KCNQ5: variants seen among roughly 807,000 people sequenced by gnomAD.
KCNQ5 encodes potassium voltage-gated channel subfamily KQT member 5.
KCNQ5 carries 30 observed loss-of-function variants against 98.2 expected under a neutral mutation model. The observed-to-expected ratio is 0.31, with a 90% CI of 0.23 to 0.41. The LOEUF (loss-of-function observed/expected upper bound fraction) is 0.41, where lower values mean the gene tolerates loss of function less well. Among genes scored for constraint, KCNQ5 ranks in the 10% least tolerant of loss-of-function variants. KCNQ5 has a pLI of 1.00. For missense variants in KCNQ5, 835 were observed against 1,182.5 expected (o/e 0.71, Z 4.31); for synonymous variants, 458 against 449.4 (o/e 1.02, Z -0.24).
chr6:72,885,363 T>C (rs1488667438), intron 1 of KCNQ5, among the ~76,000 whole-genome samples: 1 of 152,144 alleles, frequency 6.6e-6, no homozygotes, highest in Non-Finnish European at 1.5e-5. Context: ...AAATTCGACA[T>C]TTACAAAAGA....
intron 1 of KCNQ5, among the ~76,000 whole-genome samples, chr6:72,649,254 A>T (rs1339993739): frequency 2.0e-5 from 3 of 152,180 alleles, no homozygotes; most frequent in African/African-American, 4.8e-5. Flanking sequence ...CCTCTTTCAG[A>T]ATCTCTACGT....
intron 1 of KCNQ5, among the ~76,000 whole-genome samples, chr6:72,892,001 T>C (rs1482422488): frequency 6.6e-6 from 1 of 152,172 alleles, no homozygotes; most frequent in African/African-American, 2.4e-5. Flanking sequence ...TCATTTTTAC[T>C]GTGTGTAATG....
chr6:72,849,080 C>T (rs777163797), intron 1 of KCNQ5, among the ~76,000 whole-genome samples: 1 of 151,642 alleles, frequency 6.6e-6, no homozygotes, highest in Admixed American at 6.6e-5. Context: ...CAAATGATTT[C>T]GTTCTTTTTA....
At chr6:72,950,502 A>G (rs1035001281) in intron 1 of KCNQ5, among the ~76,000 whole-genome samples, 1 of 152,212 alleles carries the variant, frequency 6.6e-6, no homozygotes, top group African/African-American at 2.4e-5. Flanking sequence ...TATGGTTTCC[A>G]TGCATGAATC....
At chr6:72,969,764 T>C (rs1377269698) in intron 1 of KCNQ5, among the ~76,000 whole-genome samples, 1 of 152,154 alleles carries the variant, frequency 6.6e-6, no homozygotes, top group Non-Finnish European at 1.5e-5. Context: ...TAGTCAACTA[T>C]TGCGGCTCTT....
chr6:72,825,922 A>G (rs1228937605), intron 1 of KCNQ5, among the ~76,000 whole-genome samples: 3 of 152,142 alleles, frequency 2.0e-5, no homozygotes, highest in Non-Finnish European at 4.4e-5. Context: ...TATAGGAAGG[A>G]TATTTGGGAT....
At chr6:73,159,939 G>A (rs1292182480) in intron 10 of KCNQ5, among the ~76,000 whole-genome samples, 1 of 152,186 alleles carries the variant, frequency 6.6e-6, no homozygotes, top group African/African-American at 2.4e-5. Context: ...TGCCCCAAAT[G>A]TGAGGACGTT....
chr6:72,779,433 C>G (rs67211162), intron 1 of KCNQ5, among the ~76,000 whole-genome samples: 10,854 of 152,126 alleles, frequency 0.071, 552 homozygotes, highest in Non-Finnish European at 0.11. Flanking sequence ...AGTGGTGGGA[C>G]AGAAGGGAGT....
chr6:72,768,854 G>C (rs942267642), intron 1 of KCNQ5, among the ~76,000 whole-genome samples: 1 of 151,606 alleles, frequency 6.6e-6, no homozygotes, highest in South Asian at 2.1e-4. Flanking sequence ...CCCTTTCATC[G>C]TGTCCCAATC....
At chr6:72,892,861 A>G (rs957212307) in intron 1 of KCNQ5, among the ~76,000 whole-genome samples, 11 of 152,314 alleles carry the variant, frequency 7.2e-5, no homozygotes, top group South Asian at 2.1e-4. Context: ...TTAAACAAGA[A>G]AAAAGTATAC....
intron 1 of KCNQ5, among the ~76,000 whole-genome samples, chr6:72,776,113 A>T (rs1053635384): frequency 6.6e-6 from 1 of 152,154 alleles, no homozygotes; most frequent in Non-Finnish European, 1.5e-5. Context: ...TTTTCTGTAA[A>T]TCTAAAATTA....
chr6:72,766,846 A>G (rs1772599718), intron 1 of KCNQ5, among the ~76,000 whole-genome samples: 1 of 152,000 alleles, frequency 6.6e-6, no homozygotes, highest in South Asian at 2.1e-4. Context: ...AAAGTTGTAT[A>G]TATAAAGCTA....
intron 1 of KCNQ5, among the ~76,000 whole-genome samples, chr6:72,850,433 A>G (rs1395353976): frequency 6.6e-6 from 1 of 152,146 alleles, no homozygotes; most frequent in Admixed American, 6.6e-5. Context: ...AGATCTATTA[A>G]ATTATTTTTA....
intron 1 of KCNQ5, among the ~76,000 whole-genome samples, chr6:72,743,726 C>A (rs1344577422): frequency 6.6e-6 from 1 of 152,212 alleles, no homozygotes; most frequent in East Asian, 1.9e-4. Context: ...TCTGCTGACA[C>A]TGAGTCTCAG....
intron 1 of KCNQ5, among the ~76,000 whole-genome samples, chr6:72,635,484 T>G (rs1247017336): frequency 6.6e-6 from 1 of 152,124 alleles, no homozygotes; most frequent in African/African-American, 2.4e-5. Context: ...TCCAAACTGA[T>G]TTTTTGATTT....
chr6:73,064,317 G>A (rs1290567991), intron 3 of KCNQ5, among the ~76,000 whole-genome samples: 2 of 152,098 alleles, frequency 1.3e-5, no homozygotes, highest in African/African-American at 4.8e-5. Context: ...TAACTGCTTA[G>A]AGTAAGTGCA....
At chr6:72,919,001 C>G (rs1016937492) in intron 1 of KCNQ5, among the ~76,000 whole-genome samples, 2 of 152,200 alleles carry the variant, frequency 1.3e-5, no homozygotes, top group African/African-American at 4.8e-5. Flanking sequence ...TTCTCTCCCT[C>G]CCCTTCCCTG....
intron 1 of KCNQ5, among the ~76,000 whole-genome samples, chr6:72,632,805 C>T (rs2098921761): frequency 7.0e-6 from 1 of 142,416 alleles, no homozygotes; most frequent in African/African-American, 2.5e-5. Flanking sequence ...GTATATGTAC[C>T]ATTTTTTTTT....
chr6:72,781,820 G>A (rs1205729763), intron 1 of KCNQ5, among the ~76,000 whole-genome samples: 2 of 152,128 alleles, frequency 1.3e-5, no homozygotes, highest in Non-Finnish European at 2.9e-5. Flanking sequence ...GACAGAGTCT[G>A]CTTTTATTCA....
Sources: allele counts gnomAD v4.1 joint callset (sites outside exome capture counted in the v4.1 genomes callset), GRCh38; gene constraint gnomAD v4.1.1; transcripts MANE v1.5; gene names NCBI Gene and HGNC (gene_info 2026-07-23, HGNC 2026-07-21).